MVP: variants seen among roughly 807,000 people sequenced by gnomAD.
The protein encoded by MVP is lung resistance-related protein.
In MVP, 62 loss-of-function variants were observed where a neutral mutation model predicts 83.5. The observed-to-expected ratio is 0.74, with a 90% CI of 0.61 to 0.92. The LOEUF (loss-of-function observed/expected upper bound fraction) is 0.92. MVP is among the 40% of genes least tolerant of loss of function. The pLI is 0.00. For missense variants in MVP, 1,000 were observed against 1,203.4 expected, an observed-to-expected ratio of 0.83 and a Z score of 2.50; for synonymous variants, 505 against 504.1, an observed-to-expected ratio of 1.00 and a Z score of -0.02.
At chr16:29,823,568 CAG>C (rs1026758208) in intron 1 of MVP, among the ~76,000 whole-genome samples, 26 of 152,112 alleles carry the variant, frequency 1.7e-4, no homozygotes, top group African/African-American at 6.0e-4. Flanking sequence ...TATTAAGAGT[CAG>C]AGGCCAGGCG....
chr16:29,843,663 G>C (rs553157624), intron 10 of MVP, among the ~76,000 whole-genome samples: 1 of 151,576 alleles, frequency 6.6e-6, no homozygotes, highest in South Asian at 2.1e-4. Flanking sequence ...GAGGCAGGCA[G>C]ATCACTTGAG....
At chr16:29,842,620 C>CA (rs1010990994) in intron 10 of MVP, among the ~76,000 whole-genome samples, 6 of 151,776 alleles carry the variant, frequency 4.0e-5, no homozygotes, top group Non-Finnish European at 5.9e-5. Flanking sequence ...TGTTTCAAAA[C>CA]AAAAAAAACA....
At chr16:29,839,401 C>A (rs1251073174) in intron 7 of MVP, among the ~76,000 whole-genome samples, 4 of 152,088 alleles carry the variant, frequency 2.6e-5, no homozygotes, top group Admixed American at 6.6e-5. Flanking sequence ...GGTTGGACAA[C>A]TTTGAGTATA....
intron 7 of MVP, among the ~76,000 whole-genome samples, chr16:29,837,191 G>A (rs762759416): frequency 1.3e-5 from 2 of 152,230 alleles, no homozygotes; most frequent in African/African-American, 4.8e-5. Context: ...CTGGCTACCC[G>A]CTGCCTGAGA....
rs1003194499 is a variant in MVP at position 29,830,887 on chromosome 16, T to A, written c.135T>A (p.Phe45Leu). 1 of 1,611,956 alleles carries A rather than the reference T, an allele frequency of 6.2e-7. No homozygotes were observed. Among genetic ancestry groups the A allele is most frequent in the African/African-American group, 1.3e-5 (1 of 74,864 alleles). ...YIRQDNERVL[F>L]APMRMVTVPP... ...TCTCATCTTCCTGCAGGGTACTGTT[T>A]GCCCCCATGCGCATGGTGACCGTCC... is the stretch of plus-strand genomic sequence containing the variant. The change falls in exon 3 of 15, where the codon TTT (phenylalanine) becomes TTA (leucine). Residue 45 changes from phenylalanine to leucine, a missense_variant. By Grantham distance (22) the Phe-to-Leu change is conservative. Transcript: ENST00000357402.
In MVP at chr16:29,847,888, AG is replaced by A; in HGVS notation, c.2584del (p.Val862TrpfsTer35). On this transcript the variant is annotated frameshift_variant, in exon 15 of 15. Coordinates refer to ENST00000357402, the MANE Select transcript of MVP (RefSeq NM_005115.5). LOFTEE classifies it low-confidence loss of function (END_TRUNC). ...MGPEGQPLGR[R>X]VASGPSPGEG... Reference sequence around the variant, plus strand: ...GCCCGAGGGTCAGCCCCTGGGCAGAAGGGTGGCCAGTGGGCCCAGCCCTGGG... The same window carrying A: ...GCCCGAGGGTCAGCCCCTGGGCAGAAGGTGGCCAGTGGGCCCAGCCCTGGG... 6.2e-7 allele frequency: 1 copy of A among 1,614,050 alleles called. No homozygotes were observed. Among genetic ancestry groups the A allele is most frequent in the Non-Finnish European group, 8.5e-7 (1 of 1,179,920 alleles).
chr16:29,839,637 A>G (rs1052934331), intron 7 of MVP, among the ~76,000 whole-genome samples: 1 of 151,814 alleles, frequency 6.6e-6, no homozygotes, highest in African/African-American at 2.4e-5. Context: ...CACAAAAATT[A>G]GCTGGGTGTG....
chr16:29,840,447 C>T lies in MVP; in HGVS notation c.1179C>T (p.Val393=). The change falls in exon 8 of 15, where the codon GTC becomes GTT. Residue 393 remains valine (V), a synonymous_variant. Coordinates refer to ENST00000357402, the MANE Select transcript of MVP (RefSeq NM_005115.5). ...ACGAGGGCATCTATGTGCAGGATGT[C>T]AAGACCGGAAAGGTAATGGCTGGGA... is the stretch of plus-strand genomic sequence containing the variant. ...DENEGIYVQD[V]KTGKVRAVIG... The T allele has an allele frequency of 1.9e-6, 3 of 1,570,784 alleles. No individual in the cohort carries two copies. The highest frequency in any genetic ancestry group is 2.6e-6 in the Non-Finnish European group (3 of 1,157,660).
chr16:29,832,032 G>A (rs908254015), intron 3 of MVP, among the ~76,000 whole-genome samples: 10 of 152,146 alleles, frequency 6.6e-5, no homozygotes, highest in African/African-American at 2.4e-4. Context: ...CGCCCGCCTC[G>A]GCCTCCCAAA....
In MVP at chr16:29,830,955, ATG is replaced by A; in HGVS notation, c.204_205del (p.Ala69ProfsTer7). 1 of 1,613,886 alleles carries A rather than the reference ATG, an allele frequency of 6.2e-7. No individual in the cohort carries two copies. Among genetic ancestry groups the A allele is most frequent in the East Asian group, 2.2e-5 (1 of 44,862 alleles). ...ACAGTGGCCAACCCTGTGTCTCGGGATGCCCAGGGCTTGGTGCTGTTTGATGT... is the reference window on the plus strand; with the variant it reads ...ACAGTGGCCAACCCTGTGTCTCGGGACCCAGGGCTTGGTGCTGTTTGATGT... On this transcript the variant is annotated frameshift_variant, in exon 3 of 15. Transcript: ENST00000357402. LOFTEE classifies it high-confidence loss of function.
chr16:29,834,158 C>T lies in MVP; in HGVS notation c.577+92C>T. The T allele has an allele frequency of 1.2e-5, 18 of 1,513,658 alleles. No individual in the cohort carries two copies. The South Asian group carries it at 2.0e-4, about 17-fold the overall frequency. The allele number at this position is 1,513,658 out of a possible 1,614,324, so 93.8% of individuals were successfully genotyped here. On this transcript the variant is annotated intron_variant, in intron 5 of 14. Transcript: ENST00000357402. Reference sequence around the variant, plus strand: ...GAAGGTTGAGGAAAGCCTCCTGTAGCCCCAGAGAGGCGCTTTCCTGGTATC... The same window carrying T: ...GAAGGTTGAGGAAAGCCTCCTGTAGTCCCAGAGAGGCGCTTTCCTGGTATC...
Position 29,830,898 on chromosome 16 carries a change from G to A in MVP, c.146G>A (p.Arg49His), listed in dbSNP as rs560872333. The change falls in exon 3 of 15, where the codon CGC becomes CAC. Residue 49 changes from arginine to histidine, a missense_variant. By Grantham distance (29) the Arg-to-His change is conservative. Transcript: ENST00000357402. ...DNERVLFAPM[R>H]MVTVPPRHYC... is the part of the protein sequence containing the mutation. ...TGCAGGGTACTGTTTGCCCCCATGC[G>A]CATGGTGACCGTCCCCCCACGTCAC... is the stretch of plus-strand genomic sequence containing the variant. The A allele has an allele frequency of 2.4e-5, 38 of 1,612,780 alleles. No homozygotes were observed. The highest frequency in any genetic ancestry group is 1.7e-4 in the Middle Eastern group (1 of 6,056).
chr16:29,833,154 G>A (rs2067457736), intron 3 of MVP, among the ~76,000 whole-genome samples: 1 of 152,060 alleles, frequency 6.6e-6, no homozygotes, highest in Non-Finnish European at 1.5e-5. Context: ...ACATGAGCCT[G>A]GGAGATTGAG....
In MVP at chr16:29,841,787, C is replaced by T. The variant is rs527275378; in HGVS notation, c.1383C>T (p.Arg461=). Residue 461 remains arginine, a synonymous_variant, in exon 9 of 15, where the codon CGC becomes CGT. Coordinates refer to ENST00000357402, the MANE Select transcript of MVP (RefSeq NM_005115.5). The surrounding 1 kb of genome is among the most constrained non-coding windows in gnomAD (Gnocchi z 4.7). The part of the protein sequence containing the change: ...PRNKTRVVSY[R]VPHNAAVQVY... ...ACAAGACCCGTGTGGTCAGCTACCG[C>T]GTGCCCCACAACGCTGCGGTGCAGG... 1.3e-5 allele frequency: 21 copies of T among 1,613,422 alleles called. No individual in the cohort carries two copies. In the East Asian group the frequency reaches 2.9e-4, roughly 22 times the overall value.
At chr16:29,825,430 C>CA (rs1480537427) in intron 1 of MVP, among the ~76,000 whole-genome samples, 1 of 152,188 alleles carries the variant, frequency 6.6e-6, no homozygotes, top group African/African-American at 2.4e-5. Flanking sequence ...AAGGAAACCA[C>CA]AAAAAACTCA....
At chr16:29,827,638 G>C (rs574682568) in intron 1 of MVP, among the ~76,000 whole-genome samples, 1 of 152,194 alleles carries the variant, frequency 6.6e-6, no homozygotes, top group Non-Finnish European at 1.5e-5. Context: ...AATTAGCTGG[G>C]TACGGTAGCG....
At chr16:29,824,900 CT>C (rs753917886) in intron 1 of MVP, among the ~76,000 whole-genome samples, 3,433 of 144,778 alleles carry the variant, frequency 0.024, 40 homozygotes, top group Admixed American at 0.037. Flanking sequence ...CGGTCTCCCT[CT>C]TTTTTTTTTT....
intron 1 of MVP, among the ~76,000 whole-genome samples, chr16:29,821,596 C>T (rs979730174): frequency 6.6e-6 from 1 of 152,222 alleles, no homozygotes. Context: ...TCCTCTAGTT[C>T]TTGTTCTCGG....
Position 29,825,192 on chromosome 16 carries a change from T to C in MVP, c.-36+4682T>C, listed in dbSNP as rs113737544. Among the ~76,000 whole-genome samples, 476 of 152,222 alleles carry C rather than the reference T, an allele frequency of 3.1e-3. 1 individual carries two copies. Among genetic ancestry groups the C allele is most frequent in the African/African-American group, 8.6e-3 (358 of 41,536 alleles). ...GTTCTTGCAGGAGCCTCATGACACC[T>C]GAGGGAGGTGTGATCAGGCAAGACT... On this transcript the variant is annotated intron_variant, in intron 1 of 14. Coordinates refer to ENST00000357402, the MANE Select transcript of MVP (RefSeq NM_005115.5).
Sources: allele counts gnomAD v4.1 joint callset (sites outside exome capture counted in the v4.1 genomes callset), GRCh38; gene constraint gnomAD v4.1.1; non-coding constraint Gnocchi (gnomAD v3.1); transcripts MANE v1.5; gene names NCBI Gene and HGNC (gene_info 2026-07-23, HGNC 2026-07-21).